Variants in NYAP2 observed in about 807,000 individuals in gnomAD.
NYAP2 encodes neuronal tyrosine-phosphorylated phosphoinositide-3-kinase adapter 2.
In NYAP2, 23 loss-of-function variants were observed where a neutral mutation model predicts 50.4. That is an observed-to-expected ratio of 0.46 (90% confidence interval 0.33 to 0.65). NYAP2 has a LOEUF of 0.65. NYAP2 is among the 30% of genes least tolerant of loss of function. NYAP2 has a pLI of 0.02. For synonymous variants in NYAP2, 394 were observed against 365.2 expected (o/e 1.08, Z -0.90); for missense variants, 885 against 861.0 (o/e 1.03, Z -0.35).
intron 5 of NYAP2, among the ~76,000 whole-genome samples, chr2:225,584,351 C>T (rs1426287860): frequency 6.6e-6 from 1 of 152,170 alleles, no homozygotes; most frequent in Non-Finnish European, 1.5e-5. Context: ...ATTTCAAAGA[C>T]CAGGAAATTT....
the NYAP2 span, among the ~76,000 whole-genome samples, chr2:225,690,847 T>C: frequency 6.6e-6 from 1 of 152,130 alleles, no homozygotes; most frequent in Non-Finnish European, 1.5e-5. Context: ...GATTTTGTTT[T>C]ATAGTTGTTT....
chr2:225,489,459 A>G (rs545240678), intron 3 of NYAP2, among the ~76,000 whole-genome samples: 4 of 151,996 alleles, frequency 2.6e-5, no homozygotes, highest in East Asian at 3.9e-4. Context: ...TGGCCTCCCA[A>G]ATGGTTGAGA....
At chr2:225,589,329 T>C in intron 5 of NYAP2, among the ~76,000 whole-genome samples, 1 of 630 alleles carries the variant, frequency 1.6e-3, no homozygotes, top group African/African-American at 0.018. Flanking sequence ...TAAATGTTAG[T>C]TTTTTTTTTT....
chr2:225,570,777 T>C (rs1692055645), intron 4 of NYAP2, among the ~76,000 whole-genome samples: 2 of 152,156 alleles, frequency 1.3e-5, no homozygotes, highest in Admixed American at 1.3e-4. Context: ...TTTCAATGCA[T>C]AATCATGCCT....
the NYAP2 span, among the ~76,000 whole-genome samples, chr2:225,691,840 C>T: frequency 6.6e-6 from 1 of 152,070 alleles, no homozygotes; most frequent in African/African-American, 2.4e-5. Context: ...ATCCAGAGAA[C>T]TTTGAGAACT....
chr2:225,684,407 T>TA, the NYAP2 span, among the ~76,000 whole-genome samples: 1 of 121,800 alleles, frequency 8.2e-6, no homozygotes, highest in African/African-American at 2.9e-5. Flanking sequence ...TCTCTCTCTC[T>TA]TTTTTTTTTT....
chr2:225,556,310 C>A (rs1033187361), intron 4 of NYAP2, among the ~76,000 whole-genome samples: 4 of 152,124 alleles, frequency 2.6e-5, no homozygotes, highest in African/African-American at 7.2e-5. Context: ...CAGGTATAAT[C>A]ATTATTTAAT....
chr2:225,543,655 C>T (rs751767494), intron 4 of NYAP2, among the ~76,000 whole-genome samples: 2 of 151,906 alleles, frequency 1.3e-5, no homozygotes, highest in Admixed American at 6.6e-5. Flanking sequence ...TTTTTTAACA[C>T]TTAAGACATG....
chr2:225,579,610 C>T (rs1692236006), intron 4 of NYAP2, among the ~76,000 whole-genome samples: 1 of 152,200 alleles, frequency 6.6e-6, no homozygotes, highest in East Asian at 1.9e-4. Context: ...TTCCAAAGGC[C>T]ACCTTCTCAT....
chr2:225,442,762 G>T (rs1229330942), intron 3 of NYAP2, among the ~76,000 whole-genome samples: 1 of 152,044 alleles, frequency 6.6e-6, no homozygotes, highest in African/African-American at 2.4e-5. Flanking sequence ...TTTTAGTAGA[G>T]ATAGGGTTTC....
the NYAP2 span, among the ~76,000 whole-genome samples, chr2:225,668,088 G>A: frequency 3.9e-5 from 6 of 152,218 alleles, no homozygotes; most frequent in Admixed American, 6.5e-5. Flanking sequence ...TCAAGGATAC[G>A]ACATTACATA....
chr2:225,480,660 G>A (rs556394734), intron 3 of NYAP2, among the ~76,000 whole-genome samples: 45 of 152,158 alleles, frequency 3.0e-4, no homozygotes, highest in Admixed American at 2.6e-3. Flanking sequence ...ATCTTAAAGG[G>A]AAAAATAAAA....
chr2:225,623,925 TA>T (rs1280021728), intron 5 of NYAP2, among the ~76,000 whole-genome samples: 2 of 152,206 alleles, frequency 1.3e-5, no homozygotes, highest in Non-Finnish European at 2.9e-5. Context: ...CTGGTTTATT[TA>T]AAAAATTGTT....
chr2:225,539,286 A>C (rs932891296), intron 4 of NYAP2, among the ~76,000 whole-genome samples: 5 of 152,170 alleles, frequency 3.3e-5, no homozygotes, highest in Non-Finnish European at 7.3e-5. Context: ...GCTATTTGTG[A>C]ATAGTGCTGC....
chr2:225,440,827 A>G (rs1234045858), intron 3 of NYAP2, among the ~76,000 whole-genome samples: 1 of 152,214 alleles, frequency 6.6e-6, no homozygotes, highest in African/African-American at 2.4e-5. Flanking sequence ...AAGTTTGCCT[A>G]GAATTTTGAG....
At chr2:225,487,997 T>C (rs1690334999) in intron 3 of NYAP2, among the ~76,000 whole-genome samples, 1 of 152,208 alleles carries the variant, frequency 6.6e-6, no homozygotes. Context: ...AAGGGGCCCA[T>C]CTGGGACTAG....
intron 3 of NYAP2, among the ~76,000 whole-genome samples, chr2:225,450,104 C>G (rs1351863925): frequency 6.6e-6 from 1 of 152,100 alleles, no homozygotes; most frequent in Non-Finnish European, 1.5e-5. Context: ...ATTTAGAAAA[C>G]AGATGCCATA....
rs535524608 is a variant in NYAP2 at position 225,646,028 on chromosome 2, C to A, written c.1829-5404C>A. Among the ~76,000 whole-genome samples, 95 of 152,302 alleles carry A rather than the reference C, an allele frequency of 6.2e-4. 1 individual carries two copies. The highest frequency in any genetic ancestry group is 1.0e-3 in the Non-Finnish European group (70 of 68,032). ...CTTTGATGTCACAGGCCTAAAGGAT[C>A]TCTGAAAGGCATGGTTATAATTAGA... On this transcript the variant is annotated intron_variant, in intron 6 of 6. Coordinates refer to ENST00000636099, the Ensembl canonical transcript of NYAP2.
At chr2:225,619,213 C>A (rs1693045324) in intron 5 of NYAP2, among the ~76,000 whole-genome samples, 1 of 152,294 alleles carries the variant, frequency 6.6e-6, no homozygotes, top group Admixed American at 6.5e-5. Context: ...AATTGGGGTT[C>A]AGGAACCTTG....
Sources: allele counts gnomAD v4.1 joint callset (sites outside exome capture counted in the v4.1 genomes callset), GRCh38; gene constraint gnomAD v4.1.1; transcripts MANE v1.5; gene names NCBI Gene and HGNC (gene_info 2026-07-23, HGNC 2026-07-21).